PRDM15: variants seen among roughly 807,000 people sequenced by gnomAD.
The protein encoded by PRDM15 is PR/SET domain 15.
Under a neutral mutation model 128.6 loss-of-function variants are expected in PRDM15, and 64 were observed. That is an observed-to-expected ratio of 0.50 (90% CI 0.41 to 0.61). PRDM15 has a LOEUF of 0.61. Among genes scored for constraint, PRDM15 ranks in the 20% least tolerant of loss-of-function variants. The pLI, the probability that PRDM15 is intolerant of heterozygous loss-of-function variation, is 0.00. For missense variants in PRDM15, 1,242 were observed against 1,569.1 expected, an observed-to-expected ratio of 0.79 and a Z score of 3.52; for synonymous variants, 615 against 621.8, an observed-to-expected ratio of 0.99 and a Z score of 0.16.
chr21:41,833,161 T>C (rs2062753885), intron 11 of PRDM15, among the ~76,000 whole-genome samples: 1 of 152,140 alleles, frequency 6.6e-6, no homozygotes, highest in African/African-American at 2.4e-5. Context: ...ACGTGAGCCT[T>C]TGCTATTCCG....
intron 1 of PRDM15, chr21:41,867,228 G>T: frequency 8.5e-7 from 1 of 1,170,766 alleles, no homozygotes; most frequent in Non-Finnish European, 1.3e-6. Flanking sequence ...AGGGGCCTCT[G>T]CTGCGCCGGT....
At chr21:41,858,115 A>G (rs1050693434) in intron 3 of PRDM15, among the ~76,000 whole-genome samples, 10 of 152,236 alleles carry the variant, frequency 6.6e-5, no homozygotes, top group African/African-American at 2.2e-4. Flanking sequence ...AGAAAGACGC[A>G]AGGGCCATGG....
chr21:41,862,380 G>A lies in PRDM15; in HGVS notation c.-9-2008C>T, dbSNP rs2063847095. Among the ~76,000 whole-genome samples the A allele has an allele frequency of 6.6e-6, 1 of 152,184 alleles. No homozygotes were observed. Among genetic ancestry groups the A allele is most frequent in the African/African-American group, 2.4e-5 (1 of 41,436 alleles). ...CTGCACGAATCCCCTGAGGCCTTGT[G>A]TGGCCGCCTCTCCCCGGGGCAGACC... On this transcript the variant is annotated intron_variant, in intron 1 of 23. Transcript: ENST00000398548. The surrounding 1 kb of genome is among the most constrained non-coding windows in gnomAD (Gnocchi z 4.1).
chr21:41,857,513 A>G (rs1040113599), intron 3 of PRDM15, among the ~76,000 whole-genome samples, 184 bp from the exon 4 acceptor site: 2 of 152,190 alleles, frequency 1.3e-5, no homozygotes, highest in Non-Finnish European at 2.9e-5. Flanking sequence ...CCCAGCATGC[A>G]CTTTGGAAGG....
At position 41,799,518 on chromosome 21, in the gene PRDM15, G is replaced by C. The variant is rs955780820; in HGVS notation, c.*1722C>G. ...CTAGGCGCGAGTGATGGTGGGTAAG[G>C]TGAGGAGGTGAGCCCCACAGACCCT... On this transcript the variant is annotated 3_prime_UTR_variant, in exon 24 of 24. Transcript: ENST00000398548. The C allele has an allele frequency of 6.6e-6, 1 of 152,242 alleles. No homozygotes were observed. The highest frequency in any genetic ancestry group is 2.4e-5 in the African/African-American group (1 of 41,476). The allele number at this position is 152,242 out of a possible 1,614,324, so 9.4% of individuals were successfully genotyped here.
chr21:41,808,066 A>G (rs1288797426), intron 21 of PRDM15, among the ~76,000 whole-genome samples: 1 of 152,206 alleles, frequency 6.6e-6, no homozygotes, highest in Admixed American at 6.5e-5. Flanking sequence ...TATGTATATC[A>G]AAACTCCGGT....
rs752277153 is a variant in PRDM15 at position 41,879,080 on chromosome 21, C to G, written c.-10+190G>C. On this transcript the variant is annotated intron_variant, in intron 1 of 23. Coordinates refer to ENST00000398548, the MANE Select transcript of PRDM15 (RefSeq NM_001040424.3). This position sits in a 1 kb window ranked among gnomAD's most constrained non-coding sequence, Gnocchi z 5.1. ...TTTGACTCCGATCGCCAACGGTGCC[C>G]GCAGCCGGCGAATGTAACAAAGAAC... The G allele has an allele frequency of 8.8e-7, 1 of 1,130,896 alleles. No individual in the cohort carries two copies. 70.1% of individuals were successfully genotyped at this position (1,130,896 alleles called of 1,614,324 possible). A position where few individuals can be genotyped will look rare whatever the true frequency, so the allele number is the denominator to read the frequency against.
chr21:41,869,544 T>G (rs2064139140), intron 1 of PRDM15, among the ~76,000 whole-genome samples: 1 of 151,912 alleles, frequency 6.6e-6, no homozygotes, highest in Admixed American at 6.5e-5. Flanking sequence ...CCTCCCAGGT[T>G]CAAGTGATTC....
In PRDM15 at chr21:41,810,219, G is replaced by A. The variant is rs568318510; in HGVS notation, c.2587C>T (p.Leu863=). Residue 863 remains leucine, a synonymous_variant, in exon 21 of 24, where the codon CTG becomes TTG. Transcript: ENST00000398548. This position sits in a 1 kb window ranked among gnomAD's most constrained non-coding sequence, Gnocchi z 6.4. ...CTGGTGGACACCTTGGTCCCGCACA[G>A]CTGGCAGCTCTGCGCCTCCACCTTG... ...HDKVEAQSCQ[L]CGTKVSTRAS... The A allele has an allele frequency of 1.2e-6, 2 of 1,613,076 alleles. No individual in the cohort carries two copies. Among genetic ancestry groups the A allele is most frequent in the African/African-American group, 2.7e-5 (2 of 75,064 alleles).
chr21:41,859,737 G>C lies in PRDM15; in HGVS notation c.38-52C>G. Reference sequence around the variant, plus strand: ...GCACCCAGGGAGGGAGACACCTAAAGAACACAAACCTGGGAAATGGGGACC... The same window carrying C: ...GCACCCAGGGAGGGAGACACCTAAACAACACAAACCTGGGAAATGGGGACC... On this transcript the variant is annotated intron_variant, in intron 2 of 23. Coordinates refer to ENST00000398548, the MANE Select transcript of PRDM15 (RefSeq NM_001040424.3). This position sits in a 1 kb window ranked among gnomAD's most constrained non-coding sequence, Gnocchi z 5.3. The C allele has an allele frequency of 1.3e-6, 2 of 1,502,542 alleles. No individual in the cohort carries two copies. Among genetic ancestry groups the C allele is most frequent in the Non-Finnish European group, 1.8e-6 (2 of 1,087,004 alleles). 93.1% of individuals were successfully genotyped at this position (1,502,542 alleles called of 1,614,324 possible). A position where few individuals can be genotyped will look rare whatever the true frequency, so the allele number is the denominator to read the frequency against.
intron 4 of PRDM15, 78 bp downstream of exon 4, chr21:41,857,098 G>C: frequency 7.6e-7 from 1 of 1,317,104 alleles, no homozygotes; most frequent in Non-Finnish European, 1.1e-6. Flanking sequence ...AAACTCAGTG[G>C]TCCTTGCTCC....
chr21:41,866,731 G>A (rs1238621995), intron 1 of PRDM15, among the ~76,000 whole-genome samples: 1 of 152,192 alleles, frequency 6.6e-6, no homozygotes, highest in Admixed American at 6.5e-5. Context: ...AGCTGGTGTT[G>A]AAGGGGCTGT....
At chr21:41,845,468 G>T (rs1033675808) in intron 6 of PRDM15, among the ~76,000 whole-genome samples, 2 of 151,660 alleles carry the variant, frequency 1.3e-5, no homozygotes, top group Non-Finnish European at 2.9e-5. Context: ...TGCCGCAGAA[G>T]GCAGAGCCGT....
chr21:41,859,919 C>T lies in PRDM15; in HGVS notation c.38-234G>A, dbSNP rs2063758487. Among the ~76,000 whole-genome samples the T allele has an allele frequency of 6.6e-6, 1 of 152,122 alleles. No homozygotes were observed. The highest frequency in any genetic ancestry group is 2.4e-5 in the African/African-American group (1 of 41,430). On this transcript the variant is annotated intron_variant, in intron 2 of 23. Coordinates refer to ENST00000398548, the MANE Select transcript of PRDM15 (RefSeq NM_001040424.3). The surrounding 1 kb of genome is among the most constrained non-coding windows in gnomAD (Gnocchi z 5.3). ...GAGGAGTGCAAAGGCAGGACACGCC[C>T]CCAGGGAAAGCTCTAGCTCCGCCGC...
intron 21 of PRDM15, among the ~76,000 whole-genome samples, chr21:41,805,937 TACC>T (rs2061553243): frequency 2.9e-5 from 4 of 139,452 alleles, no homozygotes; most frequent in African/African-American, 1.1e-4. Context: ...CCATCATCAG[TACC>T]ACTACCACCA....
chr21:41,820,723 G>T (rs906478173), intron 16 of PRDM15, among the ~76,000 whole-genome samples: 6 of 152,268 alleles, frequency 3.9e-5, no homozygotes, highest in Admixed American at 2.0e-4. Context: ...AGACCGCGCA[G>T]ATTATGGCCT....
In PRDM15 at chr21:41,836,606, A is replaced by C; in HGVS notation, c.1045T>G (p.Leu349Val). 1 of 1,613,148 alleles carries C rather than the reference A, an allele frequency of 6.2e-7. No homozygotes were observed. Among genetic ancestry groups the C allele is most frequent in the African/African-American group, 1.3e-5 (1 of 74,770 alleles). ...ATGCCGTGTCTGCTTGAGAGAATTA[A>C]GCTCCTCTTGAGCGTGATGGTGTTA... ...QNNTITLKRS[L>V]ILSSRHGIRR... The change falls in exon 9 of 24, where the codon TTA (leucine) becomes GTA (valine). Residue 349 changes from leucine to valine, a missense_variant. This residue lies in a region of PRDM15 where 612 missense variants were observed against 717.0 expected (regional missense o/e 0.85). Transcript: ENST00000398548.
chr21:41,801,391 C>T lies in PRDM15; in HGVS notation c.3275G>A (p.Gly1092Glu). The T allele has an allele frequency of 1.2e-6, 2 of 1,613,412 alleles. No individual in the cohort carries two copies. The highest frequency in any genetic ancestry group is 1.7e-6 in the Non-Finnish European group (2 of 1,179,450). The change falls in exon 24 of 24, where the codon GGG (glycine) becomes GAG (glutamate). Residue 1092 changes from glycine to glutamate, a missense_variant. By Grantham distance (98) the Gly-to-Glu change is moderately conservative. Around this residue, in one of 3 missense-constraint regions of PRDM15, gnomAD observed 602 missense variants for 788.3 expected, o/e 0.76. Transcript: ENST00000398548. ...TTLVNSITPL[G>E]SQLSDQHPLT... ...CGGGTGCTGGTCACTAAGCTGGCTC[C>T]CCAGGGGCGTGATGGAGTTGACCAG...
chr21:41,843,225 C>T lies in PRDM15; in HGVS notation c.641-3372G>A, dbSNP rs760696412. ...TTATTTTTTTCCCGTGTTTATATTACTAATTGAGACTTAAACTCTGCCAGA... is the reference window on the plus strand; with the variant it reads ...TTATTTTTTTCCCGTGTTTATATTATTAATTGAGACTTAAACTCTGCCAGA... On this transcript the variant is annotated intron_variant, in intron 6 of 23. Transcript: ENST00000398548. Among the ~76,000 whole-genome samples, 28 of 151,936 alleles carry T rather than the reference C, an allele frequency of 1.8e-4. 1 individual carries two copies. The highest frequency in any genetic ancestry group is 5.2e-4 in the Admixed American group (8 of 15,260).
Sources: allele counts gnomAD v4.1 joint callset (sites outside exome capture counted in the v4.1 genomes callset), GRCh38; gene constraint gnomAD v4.1.1; regional missense constraint gnomAD v4.1.1; non-coding constraint Gnocchi (gnomAD v3.1); transcripts MANE v1.5; gene names NCBI Gene and HGNC (gene_info 2026-07-23, HGNC 2026-07-21).